The following IQCF1 variants were observed in gnomAD, a reference collection of about 807,000 sequenced individuals.
IQCF1 encodes the protein IQ domain-containing protein F1.
A neutral mutation model predicts 12.5 loss-of-function variants in IQCF1; 9 were observed. The ratio of observed to expected loss-of-function variants is 0.72; its 90% confidence interval spans 0.43 to 1.26. The LOEUF (loss-of-function observed/expected upper bound fraction) is 1.26. Among genes scored for constraint, IQCF1 ranks in the 50% most tolerant of loss-of-function variants. The pLI, the probability that IQCF1 is intolerant of heterozygous loss-of-function variation, is 0.00. For synonymous variants in IQCF1, 67 were observed against 96.2 expected, an observed-to-expected ratio of 0.70 and a Z score of 1.78; for missense variants, 252 against 257.4, an observed-to-expected ratio of 0.98 and a Z score of 0.14.
chr3:51,903,151 A>G, intron 1 of IQCF1, 62 bp from the exon 2 acceptor site: 2 of 1,590,148 alleles, frequency 1.3e-6, no homozygotes, highest in Non-Finnish European at 1.7e-6. Context: ...TCCATTCAAT[A>G]TGGCACACAT....
At chr3:51,898,795 C>G (rs1018442460) in intron 2 of IQCF1, among the ~76,000 whole-genome samples, 1 of 152,134 alleles carries the variant, frequency 6.6e-6, no homozygotes, top group Non-Finnish European at 1.5e-5. Context: ...CGAGGAGCTC[C>G]CTTCAGGACA....
At chr3:51,897,002 A>T (rs1186450582) in intron 2 of IQCF1, 108 bp from the exon 3 acceptor site, 2 of 852,536 alleles carry the variant, frequency 2.3e-6, no homozygotes, top group African/African-American at 3.3e-5. Flanking sequence ...AAGAATCAGT[A>T]TGTCAGTATG....
chr3:51,901,812 C>A (rs1249966559), intron 2 of IQCF1, among the ~76,000 whole-genome samples: 1 of 152,176 alleles, frequency 6.6e-6, no homozygotes, highest in Non-Finnish European at 1.5e-5. Context: ...ATGCTACAAC[C>A]AACAGCGATT....
chr3:51,899,068 A>G (rs937649181), intron 2 of IQCF1, among the ~76,000 whole-genome samples: 1 of 152,220 alleles, frequency 6.6e-6, no homozygotes. Flanking sequence ...CAACAAAAGT[A>G]AAGTTGGCTG....
intron 2 of IQCF1, among the ~76,000 whole-genome samples, chr3:51,898,104 A>T (rs990605291): frequency 6.0e-4 from 92 of 152,246 alleles, no homozygotes; most frequent in African/African-American, 2.2e-3. Context: ...TACCTCCCCT[A>T]GGGGAAGGGG....
In IQCF1 at chr3:51,900,229, G is replaced by T. The variant is rs1164290588; in HGVS notation, c.108+2756C>A. The stretch of plus-strand genomic sequence containing the variant: ...TGTGCTGCTAACCACCGAGACTGCT[G>T]TTGTACAGCGGAAAGGGGATGGACT... On this transcript the variant is annotated intron_variant, in intron 2 of 3. Transcript: ENST00000310914. The surrounding 1 kb of genome is among the most constrained non-coding windows in gnomAD (Gnocchi z 4.2). Among the ~76,000 whole-genome samples the T allele has an allele frequency of 6.6e-6, 1 of 152,130 alleles. No individual in the cohort carries two copies. The highest frequency in any genetic ancestry group is 1.5e-5 in the Non-Finnish European group (1 of 68,036).
rs1559734983 is a variant in IQCF1, at chr3:51,895,488, TCAGG to T, written c.172-156_172-153del. On this transcript the variant is annotated intron_variant, in intron 3 of 3. Transcript: ENST00000310914. This position sits in a 1 kb window ranked among gnomAD's most constrained non-coding sequence, Gnocchi z 4.8. ...CAGGGCACTGGCTGGAACCAGAAGA[TCAGG>T]TAGATGTCCTGCCTCTGCCATCCTC... 2 of 691,012 alleles carry T rather than the reference TCAGG, an allele frequency of 2.9e-6. No homozygotes were observed. The highest frequency in any genetic ancestry group is 4.8e-6 in the Non-Finnish European group (2 of 419,834). The allele number at this position is 691,012 out of a possible 1,614,324, so 42.8% of individuals were successfully genotyped here. A position where few individuals can be genotyped will look rare whatever the true frequency, so the allele number is the denominator to read the frequency against.
intron 2 of IQCF1, among the ~76,000 whole-genome samples, chr3:51,901,874 T>C (rs1224176638): frequency 1.3e-5 from 2 of 152,250 alleles, no homozygotes; most frequent in African/African-American, 2.4e-5. Context: ...AATTAGGGGC[T>C]ACTAGCCGGA....
In IQCF1 at chr3:51,903,283, T is replaced by C. The variant is rs1699100911; in HGVS notation, c.-11A>G. 6.2e-7 allele frequency: 1 copy of C among 1,614,022 alleles called. No individual in the cohort carries two copies. Among genetic ancestry groups the C allele is most frequent in the South Asian group, 1.1e-5 (1 of 91,074 alleles). ...GCTTTCTCTTACCATTGGTCACATA[T>C]GGATTGATTGTAGATGGTTCAAATC... On this transcript the variant is annotated 5_prime_UTR_variant, in exon 1 of 4. Transcript: ENST00000310914.
rs2106644355 is a variant in IQCF1 at position 51,900,305 on chromosome 3, A to G, written c.108+2680T>C. 6.6e-6 allele frequency among the ~76,000 whole-genome samples: 1 copy of G among 152,314 alleles called. No individual in the cohort carries two copies. Among genetic ancestry groups the G allele is most frequent in the Middle Eastern group, 3.4e-3 (1 of 294 alleles). On this transcript the variant is annotated intron_variant, in intron 2 of 3. Coordinates refer to ENST00000310914, the MANE Select transcript of IQCF1 (RefSeq NM_152397.3). The surrounding 1 kb of genome is among the most constrained non-coding windows in gnomAD (Gnocchi z 4.2). ...CACCCCTTCCAGAGTCACGGGCCATAGTCCCAGGGGAAAACCCTATCAAAC... is the reference window on the plus strand; with the variant it reads ...CACCCCTTCCAGAGTCACGGGCCATGGTCCCAGGGGAAAACCCTATCAAAC...
intron 2 of IQCF1, among the ~76,000 whole-genome samples, chr3:51,897,131 G>A (rs1258036654): frequency 6.6e-6 from 1 of 151,614 alleles, no homozygotes; most frequent in African/African-American, 2.4e-5. Context: ...GACTCATTCC[G>A]ATTTCCTGCT....
intron 2 of IQCF1, among the ~76,000 whole-genome samples, chr3:51,897,912 CTGGTTTGAGGGGT>C (rs1699030015): frequency 6.6e-6 from 1 of 152,226 alleles, no homozygotes; most frequent in African/African-American, 2.4e-5. Flanking sequence ...AAGACACCCC[CTGGTTTGAGGGGT>C]TGAGCCTTCC....
At chr3:51,896,936 GTTTA>G in intron 2 of IQCF1, 42 bp from the exon 3 acceptor site, 2 of 1,481,536 alleles carry the variant, frequency 1.3e-6, no homozygotes, top group East Asian at 2.3e-5. Context: ...AGATTGAGTT[GTTTA>G]TTTCTCTTCT....
intron 2 of IQCF1, among the ~76,000 whole-genome samples, chr3:51,901,167 G>C (rs1699071338): frequency 6.6e-6 from 1 of 152,222 alleles, no homozygotes; most frequent in Non-Finnish European, 1.5e-5. Context: ...CACCCAGCAG[G>C]CCAGGGGCCC....
intron 2 of IQCF1, among the ~76,000 whole-genome samples, chr3:51,899,408 G>T (rs937760516): frequency 2.1e-4 from 32 of 152,128 alleles, no homozygotes; most frequent in African/African-American, 7.0e-4. Context: ...AAGTAATTAG[G>T]CCTCCTGAAT....
chr3:51,897,977 C>G (rs897446345), intron 2 of IQCF1, among the ~76,000 whole-genome samples: 2 of 152,138 alleles, frequency 1.3e-5, no homozygotes, highest in Admixed American at 6.5e-5. Context: ...AGGGGTCGAG[C>G]CTTCTACAAA....
At chr3:51,898,348 C>A (rs7612847) in intron 2 of IQCF1, among the ~76,000 whole-genome samples, 151,941 of 152,348 alleles carry the variant, frequency 1, 75,769 homozygotes, top group Middle Eastern at 1. Flanking sequence ...ACCTATAATT[C>A]ATAATTGAAG....
intron 1 of IQCF1, 50 bp downstream of exon 1, chr3:51,903,220 G>A: frequency 4.3e-6 from 7 of 1,609,470 alleles, no homozygotes; most frequent in Non-Finnish European, 6.0e-6. Flanking sequence ...CACCCTGAGA[G>A]ATCTATGGGG....
chr3:51,899,239 T>C (rs376809382), intron 2 of IQCF1, among the ~76,000 whole-genome samples: 32 of 152,262 alleles, frequency 2.1e-4, no homozygotes, highest in African/African-American at 7.2e-4. Context: ...AGGGATATTA[T>C]ATGGTAAATT....
Sources: gnomAD v4.1 joint callset for allele counts (sites outside exome capture counted in the v4.1 genomes callset) on GRCh38, gnomAD v4.1.1 for gene constraint, Gnocchi (gnomAD v3.1) non-coding constraint, MANE v1.5 for transcripts, NCBI Gene and HGNC (gene_info 2026-07-23, HGNC 2026-07-21) for gene names.